The following PREP variants were observed in gnomAD, a reference collection of about 807,000 sequenced individuals.
PREP encodes prolyl endopeptidase, also known as dJ355L5.1 (prolyl endopeptidase).
In PREP, 29 loss-of-function variants were observed where a neutral mutation model predicts 87.6. The ratio of observed to expected loss-of-function variants is 0.33; its 90% CI spans 0.25 to 0.45. The LOEUF (loss-of-function observed/expected upper bound fraction) is 0.45. Among genes scored for constraint, PREP ranks in the 20% least tolerant of loss-of-function variants. PREP has a pLI of 1.00. For synonymous variants in PREP, 337 were observed against 328.6 expected (o/e 1.03, Z -0.28); for missense variants, 695 against 886.5 (o/e 0.78, Z 2.74).
chr6:105,292,723 G>C (rs994606978), intron 10 of PREP, among the ~76,000 whole-genome samples: 2 of 152,216 alleles, frequency 1.3e-5, no homozygotes, highest in Admixed American at 1.3e-4. Flanking sequence ...ATATAAGGCT[G>C]TTCTGTCTAC....
At chr6:105,393,402 G>A (rs1773209031) in intron 2 of PREP, among the ~76,000 whole-genome samples, 1 of 152,040 alleles carries the variant, frequency 6.6e-6, no homozygotes, top group African/African-American at 2.4e-5. Flanking sequence ...CGGGGCAGGG[G>A]GTAGAGGGAG....
At chr6:105,305,857 G>A (rs1043057476) in intron 10 of PREP, among the ~76,000 whole-genome samples, 2 of 149,610 alleles carry the variant, frequency 1.3e-5, no homozygotes, top group East Asian at 1.9e-4. Flanking sequence ...TTTTTTTTGG[G>A]GGGGACAGGT....
At chr6:105,349,991 CA>C (rs1047987444) in intron 7 of PREP, among the ~76,000 whole-genome samples, 2 of 150,174 alleles carry the variant, frequency 1.3e-5, no homozygotes, top group African/African-American at 2.5e-5. Flanking sequence ...TTTCAATTAC[CA>C]ACCTGCACAA....
At chr6:105,363,703 C>A (rs186152899) in intron 6 of PREP, among the ~76,000 whole-genome samples, 3 of 152,214 alleles carry the variant, frequency 2.0e-5, no homozygotes, top group African/African-American at 7.2e-5. Context: ...TCCCCTGGAG[C>A]AAGAGGTACC....
chr6:105,291,481 C>G (rs1188214573), intron 10 of PREP, among the ~76,000 whole-genome samples: 1 of 152,146 alleles, frequency 6.6e-6, no homozygotes, highest in Non-Finnish European at 1.5e-5. Context: ...CACCCTTCAT[C>G]TGGTGGGCAC....
At chr6:105,322,703 A>C in intron 10 of PREP, 1 of 997,334 alleles carries the variant, frequency 1.0e-6, no homozygotes, top group Non-Finnish European at 1.2e-6. Flanking sequence ...ACAGGAGGCC[A>C]GTTTGCCAAC....
intron 6 of PREP, among the ~76,000 whole-genome samples, chr6:105,363,074 A>T (rs1471939526): frequency 1.3e-5 from 2 of 152,186 alleles, no homozygotes; most frequent in Non-Finnish European, 2.9e-5. Context: ...TATGTTTTTA[A>T]TTACTAGGGT....
At position 105,328,917 on chromosome 6, in the gene PREP, G is replaced by A. The variant is rs6902415; in HGVS notation, c.1125C>T (p.Phe375=). Residue 375 remains phenylalanine (F), a synonymous_variant, in exon 9 of 15, where the codon TTC becomes TTT. Transcript: ENST00000652536. The stretch of plus-strand genomic sequence containing the variant: ...CTACAATGCTGCCGACATCGAGCGG[G>A]AAGGTCTTAAGGAGAGCACCAGTAG... ...DLTTGALLKT[F]PLDVGSIVGY... is the part of the protein sequence containing the mutation. The A allele has an allele frequency of 0.088, 142,248 of 1,613,918 alleles. 14,978 individuals carry two copies. Among genetic ancestry groups the A allele is most frequent in the African/African-American group, 0.53 (40,030 of 74,882 alleles).
intron 2 of PREP, among the ~76,000 whole-genome samples, chr6:105,396,714 G>A (rs1300481694): frequency 2.0e-5 from 3 of 151,342 alleles, no homozygotes; most frequent in East Asian, 1.9e-4. Context: ...AATGGGAAAC[G>A]TACCCTGCAA....
chr6:105,348,027 AT>A (rs1375625661), intron 7 of PREP, among the ~76,000 whole-genome samples: 16 of 152,198 alleles, frequency 1.1e-4, no homozygotes, highest in Admixed American at 1.0e-3. Context: ...ATCTGTGGGC[AT>A]GAACCACATC....
intron 10 of PREP, among the ~76,000 whole-genome samples, chr6:105,290,353 G>A (rs1371137862): frequency 2.0e-5 from 3 of 152,180 alleles, no homozygotes; most frequent in East Asian, 3.9e-4. Flanking sequence ...TATACCCGCA[G>A]AGGCAACAGC....
chr6:105,402,425 C>A (rs1773458669), intron 1 of PREP, among the ~76,000 whole-genome samples: 1 of 148,532 alleles, frequency 6.7e-6, no homozygotes, highest in Non-Finnish European at 1.5e-5. Flanking sequence ...ACATCACACA[C>A]ACACACACAC....
intron 10 of PREP, 60 bp downstream of exon 10, chr6:105,323,605 G>A: frequency 7.0e-7 from 1 of 1,420,830 alleles, no homozygotes; most frequent in Non-Finnish European, 9.9e-7. Context: ...CAGTGTGAAT[G>A]GCCCAGCCTG....
At position 105,403,066 on chromosome 6, in the gene PREP, G is replaced by T. The variant is rs966237258; in HGVS notation, c.-175C>A. 3.6e-6 allele frequency: 1 copy of T among 276,710 alleles called. No individual in the cohort carries two copies. Among genetic ancestry groups the T allele is most frequent in the Non-Finnish European group, 6.7e-6 (1 of 149,698 alleles). 17.1% of individuals were successfully genotyped at this position (276,710 alleles called of 1,614,324 possible). On this transcript the variant is annotated 5_prime_UTR_variant, in exon 1 of 15. Transcript: ENST00000652536. ...ACAAACGGACTGGCGGCGCGGCGGC[G>T]AGGACGTGCAGAAAGCAGGAAGCCG...
chr6:105,388,554 C>T (rs947514133), intron 2 of PREP, among the ~76,000 whole-genome samples: 1 of 152,118 alleles, frequency 6.6e-6, no homozygotes, highest in African/African-American at 2.4e-5. Flanking sequence ...CTTCCTCATA[C>T]TTTTGACAAT....
chr6:105,329,134 G>C, intron 8 of PREP, 108 bp from the exon 9 acceptor site: 1 of 1,028,804 alleles, frequency 9.7e-7, no homozygotes, highest in South Asian at 1.5e-5. Flanking sequence ...GCAGCAATGA[G>C]ACTTGCAAAG....
At chr6:105,395,657 A>C (rs1482899370) in intron 2 of PREP, among the ~76,000 whole-genome samples, 1 of 152,244 alleles carries the variant, frequency 6.6e-6, no homozygotes, top group African/African-American at 2.4e-5. Flanking sequence ...GAAGCCTGAT[A>C]TCCACTAATA....
intron 2 of PREP, 57 bp downstream of exon 2, chr6:105,397,796 T>C: frequency 7.6e-7 from 1 of 1,323,024 alleles, no homozygotes; most frequent in Middle Eastern, 1.8e-4. Flanking sequence ...TTACTGACAT[T>C]TAGAGTTTGG....
At chr6:105,371,504 A>G (rs1772546730) in intron 5 of PREP, among the ~76,000 whole-genome samples, 1 of 125,300 alleles carries the variant, frequency 8.0e-6, no homozygotes. Context: ...CCATCTCAAA[A>G]AAAAAAAAAA....
Sources: allele counts gnomAD v4.1 joint callset (sites outside exome capture counted in the v4.1 genomes callset), GRCh38; gene constraint gnomAD v4.1.1; transcripts MANE v1.5; gene names NCBI Gene and HGNC (gene_info 2026-07-23, HGNC 2026-07-21).